ANTXR1: variants seen among roughly 807,000 people sequenced by gnomAD.
ANTXR1 encodes the protein ANTXR cell adhesion molecule 1, also known as anthrax toxin receptor 1.
A neutral mutation model predicts 78.1 loss-of-function variants in ANTXR1; 19 were observed. The observed-to-expected ratio is 0.24, with a 90% CI of 0.17 to 0.36. ANTXR1 has a LOEUF of 0.36. Ranked by LOEUF, ANTXR1 falls within the 10% of genes least tolerant of loss-of-function variation. The pLI, the probability that ANTXR1 is intolerant of heterozygous loss-of-function variation, is 1.00. For missense variants in ANTXR1, 518 were observed against 718.6 expected, an observed-to-expected ratio of 0.72 and a Z score of 3.19; for synonymous variants, 273 against 260.5, an observed-to-expected ratio of 1.05 and a Z score of -0.46.
At chr2:69,232,941 T>A (rs1299350427) in intron 17 of ANTXR1, among the ~76,000 whole-genome samples, 1 of 152,152 alleles carries the variant, frequency 6.6e-6, no homozygotes, top group African/African-American at 2.4e-5. Flanking sequence ...AAAAGGACTA[T>A]CACAACGAAG....
At chr2:69,077,615 A>T in intron 8 of ANTXR1, 127 bp downstream of exon 8, 5 of 1,020,866 alleles carry the variant, frequency 4.9e-6, no homozygotes, top group South Asian at 3.9e-5. Flanking sequence ...ATTTCTTCCT[A>T]TATCTTTGTG....
At chr2:69,232,652 T>C (rs1185284657) in intron 17 of ANTXR1, among the ~76,000 whole-genome samples, 1 of 152,164 alleles carries the variant, frequency 6.6e-6, no homozygotes, top group African/African-American at 2.4e-5. Flanking sequence ...GGAAACATCA[T>C]AGCCTTAAAT....
At chr2:69,061,047 C>T (rs1214272284) in intron 3 of ANTXR1, among the ~76,000 whole-genome samples, 2 of 152,082 alleles carry the variant, frequency 1.3e-5, no homozygotes, top group African/African-American at 2.4e-5. Context: ...AAATATAATC[C>T]TGTGGAAGGA....
intron 14 of ANTXR1, among the ~76,000 whole-genome samples, chr2:69,174,926 TA>T (rs2104455489): frequency 6.6e-6 from 1 of 152,320 alleles, no homozygotes; most frequent in Non-Finnish European, 1.5e-5. Flanking sequence ...ATAATGAGAT[TA>T]AAATACCAGT....
chr2:69,103,231 G>A, intron 10 of ANTXR1: 1 of 446,028 alleles, frequency 2.2e-6, no homozygotes, highest in Non-Finnish European at 4.2e-6. Context: ...CCCTGCAGCA[G>A]CCCTCCGGAA....
At chr2:69,103,073 G>C (rs1260072023) in intron 10 of ANTXR1, 133 bp downstream of exon 10, 1 of 963,582 alleles carries the variant, frequency 1.0e-6, no homozygotes, top group African/African-American at 1.6e-5. Flanking sequence ...AAGACCCCCA[G>C]CAAGGGCATA....
At chr2:69,035,897 C>T (rs965965100) in intron 1 of ANTXR1, among the ~76,000 whole-genome samples, 2 of 152,196 alleles carry the variant, frequency 1.3e-5, no homozygotes, top group Non-Finnish European at 2.9e-5. Flanking sequence ...TTCCCTATAT[C>T]TGGCATCAAC....
intron 14 of ANTXR1, among the ~76,000 whole-genome samples, chr2:69,174,418 A>G (rs1674066796): frequency 6.6e-6 from 1 of 152,102 alleles, no homozygotes; most frequent in Admixed American, 6.6e-5. Flanking sequence ...CGGGCAGAGT[A>G]CTTGAGACCA....
At position 69,148,777 on chromosome 2, in the gene ANTXR1, A is replaced by C. The variant is rs115441867; in HGVS notation, c.952-3392A>C. 3.4e-3 allele frequency among the ~76,000 whole-genome samples: 523 copies of C among 152,292 alleles called. 2 individuals are homozygous for C. Among genetic ancestry groups the C allele is most frequent in the African/African-American group, 0.012 (493 of 41,556 alleles). On this transcript the variant is annotated intron_variant, in intron 12 of 17. Coordinates refer to ENST00000303714, the MANE Select transcript of ANTXR1 (RefSeq NM_032208.3). ...GACTGCCTATTTTGTTCACTACCTG[A>C]CACAAAAGGTACAGGATATACAGCT...
chr2:69,197,532 C>G (rs1429113414), intron 17 of ANTXR1, among the ~76,000 whole-genome samples: 2 of 152,226 alleles, frequency 1.3e-5, no homozygotes, highest in Non-Finnish European at 2.9e-5. Flanking sequence ...GGTTTCTCTG[C>G]TTGGAATGCC....
chr2:69,055,969 A>G (rs1230473364), intron 3 of ANTXR1, among the ~76,000 whole-genome samples: 1 of 152,196 alleles, frequency 6.6e-6, no homozygotes, highest in Non-Finnish European at 1.5e-5. Flanking sequence ...TGCCCACCAT[A>G]TGGAGTTGTT....
intron 1 of ANTXR1, among the ~76,000 whole-genome samples, chr2:69,034,839 T>C (rs1012941026): frequency 2.0e-5 from 3 of 152,156 alleles, no homozygotes; most frequent in Non-Finnish European, 4.4e-5. Flanking sequence ...CATTGACTTA[T>C]AAAGAGACTG....
chr2:69,199,453 A>T (rs1674724964), intron 17 of ANTXR1, among the ~76,000 whole-genome samples: 1 of 152,176 alleles, frequency 6.6e-6, no homozygotes, highest in South Asian at 2.1e-4. Context: ...GCACCTATTG[A>T]CACAACTGGA....
chr2:69,181,959 T>G (rs1328258315), intron 15 of ANTXR1, 78 bp downstream of exon 15: 3 of 1,395,496 alleles, frequency 2.1e-6, no homozygotes, highest in Non-Finnish European at 3.0e-6. Context: ...TGACCCTGCT[T>G]AGCCTCTAGA....
intron 1 of ANTXR1, among the ~76,000 whole-genome samples, chr2:69,028,533 G>T (rs1671427847): frequency 6.6e-6 from 1 of 152,186 alleles, no homozygotes; most frequent in Admixed American, 6.5e-5. Context: ...GATACATATG[G>T]ATTCTTTCTG....
chr2:69,038,284 G>A (rs1669507218), intron 1 of ANTXR1, among the ~76,000 whole-genome samples: 3 of 152,260 alleles, frequency 2.0e-5, no homozygotes, highest in African/African-American at 7.2e-5. Flanking sequence ...GCTGGGTGAT[G>A]TTATTTTTAA....
chr2:69,112,431 G>C (rs1353415119), intron 10 of ANTXR1, among the ~76,000 whole-genome samples: 1 of 152,120 alleles, frequency 6.6e-6, no homozygotes, highest in Admixed American at 6.5e-5. Flanking sequence ...AGATCCCTGG[G>C]ACCACTGACT....
At chr2:69,148,255 G>T (rs1017224528) in intron 12 of ANTXR1, among the ~76,000 whole-genome samples, 2 of 152,338 alleles carry the variant, frequency 1.3e-5, no homozygotes, top group Non-Finnish European at 1.5e-5. Context: ...CCGCACTCAT[G>T]CTGTGCTCCC....
chr2:69,103,377 G>A (rs1671694135), intron 10 of ANTXR1: 1 of 262,072 alleles, frequency 3.8e-6, no homozygotes, highest in African/African-American at 2.2e-5. Context: ...TTAAGGGTAA[G>A]TGTGAAAAAG....
Sources: gnomAD v4.1 joint callset for allele counts (sites outside exome capture counted in the v4.1 genomes callset) on GRCh38, gnomAD v4.1.1 for gene constraint, MANE v1.5 for transcripts, NCBI Gene and HGNC (gene_info 2026-07-23, HGNC 2026-07-21) for gene names.